Variants in UMODL1 observed in about 807,000 individuals in gnomAD.
The protein encoded by UMODL1 is uromodulin-like 1.
UMODL1 carries 128 observed loss-of-function variants against 136.3 expected under a neutral mutation model. The ratio of observed to expected loss-of-function variants is 0.94; its 90% CI spans 0.81 to 1.09. UMODL1 has a LOEUF of 1.09. Among genes scored for constraint, UMODL1 ranks in the 50% least tolerant of loss-of-function variants. The pLI, the probability that UMODL1 is intolerant of heterozygous loss-of-function variation, is 0.00. For missense variants in UMODL1, 1,766 were observed against 1,725.6 expected (o/e 1.02, Z -0.41); for synonymous variants, 721 against 720.0 (o/e 1.00, Z -0.02).
intron 10 of UMODL1, among the ~76,000 whole-genome samples, chr21:42,110,496 C>G (rs955926152): frequency 6.6e-6 from 1 of 152,232 alleles, no homozygotes; most frequent in Admixed American, 6.5e-5. Context: ...ATGACAGCAT[C>G]CAGCACCAAG....
At chr21:42,114,442 G>A (rs1321903956) in intron 13 of UMODL1, among the ~76,000 whole-genome samples, 2 of 152,226 alleles carry the variant, frequency 1.3e-5, no homozygotes, top group East Asian at 1.9e-4. Context: ...AGTCAAGAGC[G>A]TGTCTGATGT....
rs775622861 is a variant in UMODL1, at chr21:42,123,198, G to C, written c.3147+48G>C. The C allele has an allele frequency of 2.6e-6, 4 of 1,557,058 alleles. No individual in the cohort carries two copies. Among genetic ancestry groups the C allele is most frequent in the Non-Finnish European group, 2.6e-6 (3 of 1,148,718 alleles). On this transcript the variant is annotated intron_variant, in intron 17 of 22. Coordinates refer to ENST00000408910, the MANE Select transcript of UMODL1 (RefSeq NM_001004416.3). This position sits in a 1 kb window ranked among gnomAD's most constrained non-coding sequence, Gnocchi z 4.4. Reference sequence around the variant, plus strand: ...CAGGATGTACACTAGGGCGCAAGGGGCTCTAGGTTACATGGGCCTCGATGT... The same window carrying C: ...CAGGATGTACACTAGGGCGCAAGGGCCTCTAGGTTACATGGGCCTCGATGT...
At chr21:42,120,015 A>G (rs1004484879) in intron 15 of UMODL1, among the ~76,000 whole-genome samples, 4 of 152,224 alleles carry the variant, frequency 2.6e-5, no homozygotes, top group African/African-American at 7.2e-5. Flanking sequence ...ATACAAATAG[A>G]TAAATATTAA....
At chr21:42,065,559 G>C (rs1051683534) in intron 1 of UMODL1, among the ~76,000 whole-genome samples, 7 of 149,982 alleles carry the variant, frequency 4.7e-5, no homozygotes, top group Non-Finnish European at 8.9e-5. Context: ...TTTTTTTGAG[G>C]CGGAGTCTCG....
intron 6 of UMODL1, among the ~76,000 whole-genome samples, chr21:42,097,227 G>A (rs2146464942): frequency 6.6e-6 from 1 of 152,346 alleles, no homozygotes; most frequent in East Asian, 1.9e-4. Context: ...CATCCTAGAA[G>A]TGTTATTAGG....
At chr21:42,076,655 A>T (rs983170445) in intron 2 of UMODL1, among the ~76,000 whole-genome samples, 4 of 152,170 alleles carry the variant, frequency 2.6e-5, no homozygotes, top group Non-Finnish European at 5.9e-5. Flanking sequence ...TCCCAGAGTG[A>T]TTCTCATATA....
chr21:42,064,170 C>T (rs1009864646), intron 1 of UMODL1, among the ~76,000 whole-genome samples: 14 of 152,222 alleles, frequency 9.2e-5, no homozygotes, highest in South Asian at 2.1e-4. Flanking sequence ...GTTTCTCTGC[C>T]GGCCGTGCCT....
chr21:42,075,952 G>T lies in UMODL1; in HGVS notation c.77-53G>T. On this transcript the variant is annotated intron_variant, in intron 1 of 22. Transcript: ENST00000408910. ...AGGGACGCCTTGCGGATAACCGCTC[G>T]CACGGATCTGATCCTGGTGTTCTCA... 1.9e-6 allele frequency: 3 copies of T among 1,601,622 alleles called. No homozygotes were observed. The South Asian group carries it at 3.3e-5, about 18-fold the overall frequency.
intron 22 of UMODL1, among the ~76,000 whole-genome samples, chr21:42,139,898 C>T (rs1051216155): frequency 2.0e-5 from 3 of 152,168 alleles, no homozygotes; most frequent in South Asian, 2.1e-4. Context: ...ACACAAGCGT[C>T]CCCCTCACAT....
chr21:42,079,423 G>A (rs968462383), intron 2 of UMODL1, among the ~76,000 whole-genome samples: 2 of 152,192 alleles, frequency 1.3e-5, no homozygotes, highest in Non-Finnish European at 2.9e-5. Flanking sequence ...AGGGAGTCCC[G>A]TGGGTGAGAG....
At chr21:42,094,498 C>G (rs112521967) in intron 6 of UMODL1, among the ~76,000 whole-genome samples, 2 of 152,210 alleles carry the variant, frequency 1.3e-5, no homozygotes, top group South Asian at 4.1e-4. Flanking sequence ...TTAGATTATC[C>G]GCATTGCCGT....
Position 42,122,831 on chromosome 21 carries a change from G to T in UMODL1, c.2828G>T (p.Gly943Val). The T allele has an allele frequency of 6.9e-6, 11 of 1,591,188 alleles. No homozygotes were observed. The highest frequency in any genetic ancestry group is 9.4e-6 in the Non-Finnish European group (11 of 1,166,390). ...GCCTTTTCCTCCTTGTGCCTTGCAG[G>T]TGACTCTCCTGGCAATGAAACCTGG... ...PVEYSERPCE[G>V]DSPGNETWAT... The change falls in exon 17 of 23, where the codon GGT becomes GTT. Residue 943 changes from glycine (G) to valine (V), a missense_variant and splice_region_variant. By Grantham distance (109) the Gly-to-Val change is moderately radical. Coordinates refer to ENST00000408910, the MANE Select transcript of UMODL1 (RefSeq NM_001004416.3). This position sits in a 1 kb window ranked among gnomAD's most constrained non-coding sequence, Gnocchi z 4.3.
intron 9 of UMODL1, among the ~76,000 whole-genome samples, chr21:42,105,444 T>A (rs1209360277): frequency 2.0e-5 from 3 of 152,138 alleles, no homozygotes; most frequent in Non-Finnish European, 4.4e-5. Flanking sequence ...GCAGCAGGGA[T>A]GTCGTGGGTA....
At chr21:42,119,353 C>G in intron 15 of UMODL1, 29 bp downstream of exon 15, 2 of 1,591,588 alleles carry the variant, frequency 1.3e-6, no homozygotes, top group Non-Finnish European at 1.7e-6. Flanking sequence ...GAGCCTCTCC[C>G]GTGTTCTGGA....
chr21:42,116,865 C>T (rs192893681), intron 14 of UMODL1, among the ~76,000 whole-genome samples: 1 of 152,274 alleles, frequency 6.6e-6, no homozygotes, highest in East Asian at 1.9e-4. Flanking sequence ...CGCCTGAGGT[C>T]AGGAGTTCTA....
At chr21:42,110,207 G>A (rs1345634504) in intron 10 of UMODL1, among the ~76,000 whole-genome samples, 1 of 152,216 alleles carries the variant, frequency 6.6e-6, no homozygotes, top group Admixed American at 6.5e-5. Flanking sequence ...TGATGAGTGG[G>A]TCGGGGATAC....
chr21:42,128,002 A>G (rs990415301), intron 20 of UMODL1, 171 bp downstream of exon 20: 2 of 868,504 alleles, frequency 2.3e-6, no homozygotes, highest in African/African-American at 3.3e-5. Flanking sequence ...TTTCCACGGC[A>G]GGCAGCCCTT....
intron 6 of UMODL1, chr21:42,093,979 G>C (rs1234953476): frequency 2.2e-6 from 1 of 456,610 alleles, no homozygotes; most frequent in African/African-American, 2.0e-5. Context: ...TGGCTTCCAG[G>C]GTGAGAATCC....
chr21:42,137,865 G>A (rs2067229826), intron 22 of UMODL1, among the ~76,000 whole-genome samples: 2 of 151,208 alleles, frequency 1.3e-5, no homozygotes, highest in South Asian at 4.2e-4. Context: ...ATGGTGATGG[G>A]GACGGCCAGC....
Sources: gnomAD v4.1 joint callset for allele counts (sites outside exome capture counted in the v4.1 genomes callset) on GRCh38, gnomAD v4.1.1 for gene constraint, Gnocchi (gnomAD v3.1) non-coding constraint, MANE v1.5 for transcripts, NCBI Gene and HGNC (gene_info 2026-07-23, HGNC 2026-07-21) for gene names.